Variants in SV2C observed in about 807,000 individuals in gnomAD.
The protein encoded by SV2C is solute carrier family 22 member B3.
In SV2C, 49 loss-of-function variants were observed where a neutral mutation model predicts 79.7. That is an observed-to-expected ratio of 0.61 (90% confidence interval 0.49 to 0.78). The LOEUF (loss-of-function observed/expected upper bound fraction) is 0.78, where lower values mean the gene tolerates loss of function less well. SV2C is among the 30% of genes least tolerant of loss of function. The probability of loss-of-function intolerance (pLI) is 0.00; values close to 1 mark genes in which losing one functional copy is unlikely to be tolerated. For synonymous variants in SV2C, 334 were observed against 333.2 expected (o/e 1.00, Z -0.03); for missense variants, 833 against 912.9 (o/e 0.91, Z 1.13).
the SV2C span, among the ~76,000 whole-genome samples, chr5:76,043,979 T>C: frequency 6.6e-6 from 1 of 152,162 alleles, no homozygotes; most frequent in African/African-American, 2.4e-5. Flanking sequence ...ATGTGTGCCA[T>C]GTTTGTTTGC....
chr5:75,889,308 T>C, the SV2C span, among the ~76,000 whole-genome samples: 2 of 149,726 alleles, frequency 1.3e-5, no homozygotes, highest in African/African-American at 4.9e-5. Context: ...TGTCCATGTG[T>C]TCTCATTGTT....
chr5:76,317,442 A>C (rs2972851), intron 12 of SV2C, among the ~76,000 whole-genome samples: 61,440 of 147,072 alleles, frequency 0.42, 12,944 homozygotes, highest in East Asian at 0.55. Context: ...CACCCCCCCC[A>C]ACACACACAC....
chr5:75,961,592 A>G, the SV2C span, among the ~76,000 whole-genome samples: 2 of 151,456 alleles, frequency 1.3e-5, no homozygotes, highest in Non-Finnish European at 2.9e-5. Flanking sequence ...AATTTTAAAT[A>G]CAATTATTTT....
chr5:76,353,657 A>G (rs982447716), exon 13 of SV2C: 5 of 152,244 alleles, frequency 3.3e-5, no homozygotes, highest in South Asian at 4.1e-4. Context: ...CAAACAGACC[A>G]CTTTACACAC....
At chr5:75,954,357 T>C in the SV2C span, among the ~76,000 whole-genome samples, 58 of 152,072 alleles carry the variant, frequency 3.8e-4, no homozygotes, top group African/African-American at 1.4e-3. Flanking sequence ...GAGCCTATCA[T>C]CTCTTGTCAT....
At chr5:75,979,414 A>G in the SV2C span, among the ~76,000 whole-genome samples, 2 of 151,814 alleles carry the variant, frequency 1.3e-5, no homozygotes, top group Non-Finnish European at 2.9e-5. Flanking sequence ...CCCCAAAACA[A>G]CACAATATAC....
the SV2C span, among the ~76,000 whole-genome samples, chr5:76,045,562 T>A: frequency 6.6e-6 from 1 of 152,202 alleles, no homozygotes; most frequent in African/African-American, 2.4e-5. Flanking sequence ...TTTATTTTTG[T>A]ATGCCAATAT....
intron 2 of SV2C, among the ~76,000 whole-genome samples, chr5:76,185,279 C>T (rs1308024190): frequency 6.6e-6 from 1 of 152,232 alleles, no homozygotes; most frequent in Non-Finnish European, 1.5e-5. Context: ...TGCAGCTTTT[C>T]CAGGCACATG....
the SV2C span, among the ~76,000 whole-genome samples, chr5:75,865,948 G>A: frequency 2.0e-5 from 3 of 152,118 alleles, no homozygotes; most frequent in East Asian, 1.9e-4. Context: ...GTGCCCTGCC[G>A]GTTGGACTCC....
In SV2C at chr5:76,325,394, A is replaced by T; in HGVS notation, c.2031A>T (p.Leu677=). ...CAGGCTTTGGCTTCTTAAATGCGCT[A>T]TGCAAGGCAGCAGCCGTCCTGGGAA... ...RATGFGFLNA[L]CKAAAVLGNL... Residue 677 remains leucine (L), a synonymous_variant, in exon 13 of 13, where the codon CTA becomes CTT. Transcript: ENST00000502798. 6.2e-7 allele frequency: 1 copy of T among 1,614,204 alleles called. No homozygotes were observed. The highest frequency in any genetic ancestry group is 8.5e-7 in the Non-Finnish European group (1 of 1,180,032).
At chr5:76,105,357 C>T (rs956299121) in intron 1 of SV2C, among the ~76,000 whole-genome samples, 4 of 152,122 alleles carry the variant, frequency 2.6e-5, no homozygotes, top group African/African-American at 7.2e-5. Context: ...ATTTGTGGGG[C>T]AGCCTTAGGA....
the SV2C span, among the ~76,000 whole-genome samples, chr5:76,017,745 A>T: frequency 6.6e-6 from 1 of 152,078 alleles, no homozygotes; most frequent in Non-Finnish European, 1.5e-5. Context: ...GGATAAGAGG[A>T]TAGGGGAAAG....
chr5:76,052,931 T>A, the SV2C span, among the ~76,000 whole-genome samples: 3 of 151,266 alleles, frequency 2.0e-5, no homozygotes, highest in Admixed American at 6.6e-5. Flanking sequence ...ATGTTAACAT[T>A]CAAATATTAG....
At chr5:76,249,329 T>G (rs759152390) in intron 4 of SV2C, among the ~76,000 whole-genome samples, 3 of 152,230 alleles carry the variant, frequency 2.0e-5, no homozygotes, top group Non-Finnish European at 2.9e-5. Flanking sequence ...TTGTTTATTT[T>G]AATGCATTCA....
chr5:75,972,077 AG>A, the SV2C span, among the ~76,000 whole-genome samples: 1 of 152,182 alleles, frequency 6.6e-6, no homozygotes, highest in Admixed American at 6.5e-5. Flanking sequence ...CAATGGGGAA[AG>A]GATTCCCTCT....
the SV2C span, chr5:75,910,358 A>G: frequency 1.8e-6 from 1 of 566,048 alleles, no homozygotes; most frequent in South Asian, 1.4e-5. Context: ...ATTCCCTACG[A>G]TGGCCTTCAG....
chr5:76,147,223 A>G (rs1454931678), intron 2 of SV2C, among the ~76,000 whole-genome samples: 1 of 152,234 alleles, frequency 6.6e-6, no homozygotes, highest in African/African-American at 2.4e-5. Flanking sequence ...TGCTACATAA[A>G]TTTTAACACA....
chr5:76,245,823 T>A (rs1745926204), intron 4 of SV2C, among the ~76,000 whole-genome samples: 1 of 151,920 alleles, frequency 6.6e-6, no homozygotes, highest in Admixed American at 6.6e-5. Context: ...ATGTGATTAA[T>A]CAAAGAAGAC....
the SV2C span, among the ~76,000 whole-genome samples, chr5:75,851,518 T>C: frequency 6.6e-6 from 1 of 152,218 alleles, no homozygotes; most frequent in East Asian, 1.9e-4. Context: ...ATACAATTCA[T>C]ATGTACCCAT....
Sources: gnomAD v4.1 joint callset for allele counts (sites outside exome capture counted in the v4.1 genomes callset) on GRCh38, gnomAD v4.1.1 for gene constraint, MANE v1.5 for transcripts, NCBI Gene and HGNC (gene_info 2026-07-23, HGNC 2026-07-21) for gene names.